The following GRHL3 variants were observed in gnomAD, a reference collection of about 807,000 sequenced individuals.
GRHL3 encodes the protein grainyhead-like protein 3 homolog.
A neutral mutation model predicts 70.3 loss-of-function variants in GRHL3; 20 were observed. The ratio of observed to expected loss-of-function variants is 0.28; its 90% CI spans 0.20 to 0.41. The LOEUF is 0.41. Ranked by LOEUF, GRHL3 falls within the 10% of genes least tolerant of loss-of-function variation. The pLI is 1.00. For missense variants in GRHL3, 637 were observed against 762.3 expected, an observed-to-expected ratio of 0.84 and a Z score of 1.94; for synonymous variants, 299 against 299.9, an observed-to-expected ratio of 1.00 and a Z score of 0.03.
At chr1:24,344,386 G>A (rs1640162217) in intron 11 of GRHL3, among the ~76,000 whole-genome samples, 1 of 150,536 alleles carries the variant, frequency 6.6e-6, no homozygotes, top group African/African-American at 2.4e-5. Context: ...AGCTACTTGG[G>A]AAGCTGAGGC....
At chr1:24,326,635 A>G (rs1462467859) in intron 1 of GRHL3, among the ~76,000 whole-genome samples, 1 of 152,214 alleles carries the variant, frequency 6.6e-6, no homozygotes, top group Non-Finnish European at 1.5e-5. Context: ...GTTCTGGCAC[A>G]TAGTAGTTAC....
At chr1:24,357,121 T>C (rs1309962657), downstream of GRHL3, 1 of 144,912 alleles carries the variant, frequency 6.9e-6, no homozygotes, top group African/African-American at 2.5e-5. Flanking sequence ...ATTACTGATG[T>C]TTCCTTTTGC....
chr1:24,341,508 C>T (rs1431476068), intron 8 of GRHL3, among the ~76,000 whole-genome samples: 2 of 152,168 alleles, frequency 1.3e-5, no homozygotes, highest in Non-Finnish European at 2.9e-5. Context: ...AATTATAGCC[C>T]TGCTCAGAGC....
chr1:24,354,050 G>A (rs564864835), intron 15 of GRHL3, among the ~76,000 whole-genome samples: 5 of 152,074 alleles, frequency 3.3e-5, no homozygotes, highest in Admixed American at 6.5e-5. Flanking sequence ...GGAGCACTGC[G>A]TCTCCCCCAG....
intron 8 of GRHL3, among the ~76,000 whole-genome samples, chr1:24,341,408 G>A (rs1207756083): frequency 6.6e-6 from 1 of 152,246 alleles, no homozygotes; most frequent in Non-Finnish European, 1.5e-5. Context: ...GTGAGCGGCA[G>A]AGCCCAGCTT....
intron 1 of GRHL3, among the ~76,000 whole-genome samples, chr1:24,324,420 T>C (rs914920529): frequency 6.6e-6 from 1 of 152,196 alleles, no homozygotes; most frequent in Admixed American, 6.5e-5. Flanking sequence ...TCCCGATTCA[T>C]AGGCTGGAAA....
chr1:24,361,145 G>A, intron 15 of GRHL3: 2 of 1,115,620 alleles, frequency 1.8e-6, no homozygotes, highest in Non-Finnish European at 1.2e-6. Context: ...CTGTCTGGAA[G>A]AGGACTGGTC....
At chr1:24,363,714 C>G (rs947960367) in intron 15 of GRHL3, among the ~76,000 whole-genome samples, 1 of 152,182 alleles carries the variant, frequency 6.6e-6, no homozygotes, top group Non-Finnish European at 1.5e-5. Context: ...GAGAAAGAGA[C>G]AGAGACAGAG....
rs74062139 is a variant in GRHL3, at chr1:24,321,387, C to T, written c.17+1819C>T. Among the ~76,000 whole-genome samples the T allele has an allele frequency of 0.034, 5,106 of 152,292 alleles. 240 individuals carry two copies. The highest frequency in any genetic ancestry group is 0.1 in the African/African-American group (4,254 of 41,552). ...GAGCCTGGGGGCTCAGCTGCCCCTA[C>T]TGGTAAGGGGAGGGCACCCGGCGCT... On this transcript the variant is annotated intron_variant, in intron 1 of 15. Transcript: ENST00000361548. The surrounding 1 kb of genome is among the most constrained non-coding windows in gnomAD (Gnocchi z 4.0).
chr1:24,339,665 C>T lies in GRHL3; in HGVS notation c.953-3C>T. On this transcript the variant is annotated splice_polypyrimidine_tract_variant and splice_region_variant and intron_variant, in intron 7 of 15. Transcript: ENST00000361548. Reference sequence around the variant, plus strand: ...TTCTCCTTCTGGTCTCCTGTGGTTTCAGCTGACTGCAAAGAAAACTTCAAC... The same window carrying T: ...TTCTCCTTCTGGTCTCCTGTGGTTTTAGCTGACTGCAAAGAAAACTTCAAC... 1 of 1,607,982 alleles carries T rather than the reference C, an allele frequency of 6.2e-7. No homozygotes were observed. The highest frequency in any genetic ancestry group is 1.1e-5 in the South Asian group (1 of 90,546).
chr1:24,336,932 C>CA, intron 4 of GRHL3, 105 bp downstream of exon 4: 1 of 1,227,486 alleles, frequency 8.1e-7, no homozygotes, highest in Non-Finnish European at 1.2e-6. Flanking sequence ...TGGGGGAAAG[C>CA]ATCCTAGAGC....
chr1:24,329,472 G>A (rs1299023680), intron 1 of GRHL3, among the ~76,000 whole-genome samples: 12 of 152,216 alleles, frequency 7.9e-5, no homozygotes, highest in Admixed American at 5.9e-4. Flanking sequence ...CTGCATCAAC[G>A]GAAAAGCAGT....
At chr1:24,333,048 G>A (rs576193992) in intron 2 of GRHL3, among the ~76,000 whole-genome samples, 8 of 152,324 alleles carry the variant, frequency 5.3e-5, no homozygotes, top group Non-Finnish European at 7.3e-5. Context: ...GTTGAGGATC[G>A]ACCATCAGAT....
rs903997728 is a variant in GRHL3, at chr1:24,319,357, A to G, written c.-195A>G. 7.6e-6 allele frequency: 5 copies of G among 653,656 alleles called. No homozygotes were observed. Among genetic ancestry groups the G allele is most frequent in the Non-Finnish European group, 1.4e-5 (5 of 360,200 alleles). 40.5% of individuals were successfully genotyped at this position (653,656 alleles called of 1,614,324 possible). ...GCTGCACCTGTTGAGGTATACCTCC[A>G]GTCGCCGGCACCTGTACCTGTAGCC... On this transcript the variant is annotated 5_prime_UTR_variant, in exon 1 of 16. Transcript: ENST00000361548.
chr1:24,347,363 C>T (rs976603923), intron 13 of GRHL3, 105 bp from the exon 14 acceptor site: 34 of 998,660 alleles, frequency 3.4e-5, no homozygotes, highest in Middle Eastern at 2.1e-4. Context: ...GGCAAAGACC[C>T]GCAGCAGAAG....
chr1:24,354,613 C>A lies in GRHL3; in HGVS notation c.*125C>A. On this transcript the variant is annotated 3_prime_UTR_variant, in exon 16 of 16. Coordinates refer to ENST00000361548, the MANE Select transcript of GRHL3 (RefSeq NM_198173.3). ...TGAATGCCTTCCCTGAGGGAAGAGGCCCTTGAGTCACAGACCCACAGACGT... is the reference window on the plus strand; with the variant it reads ...TGAATGCCTTCCCTGAGGGAAGAGGACCTTGAGTCACAGACCCACAGACGT... The A allele has an allele frequency of 6.1e-6, 4 of 651,628 alleles. No individual in the cohort carries two copies. In the South Asian group the frequency reaches 7.1e-5, roughly 12 times the overall value. 40.4% of individuals were successfully genotyped at this position (651,628 alleles called of 1,614,324 possible).
chr1:24,362,858 G>T (rs560505912), intron 15 of GRHL3, among the ~76,000 whole-genome samples: 100 of 152,300 alleles, frequency 6.6e-4, no homozygotes, highest in African/African-American at 2.4e-3. Context: ...AGGGAAAGGG[G>T]GGACATGCTG....
chr1:24,363,413 G>T (rs916461572), intron 15 of GRHL3, among the ~76,000 whole-genome samples: 1 of 152,168 alleles, frequency 6.6e-6, no homozygotes, highest in Non-Finnish European at 1.5e-5. Flanking sequence ...GTCCTTAAGG[G>T]CTTGACAATC....
At chr1:24,356,990 C>G (rs1316382874), downstream of GRHL3, 2 of 151,594 alleles carry the variant, frequency 1.3e-5, no homozygotes, top group Non-Finnish European at 2.9e-5. Flanking sequence ...TTAAGGGGTA[C>G]CCAAAAGCTC....
Sources: gnomAD v4.1 joint callset for allele counts (sites outside exome capture counted in the v4.1 genomes callset) on GRCh38, gnomAD v4.1.1 for gene constraint, Gnocchi (gnomAD v3.1) non-coding constraint, MANE v1.5 for transcripts, NCBI Gene and HGNC (gene_info 2026-07-23, HGNC 2026-07-21) for gene names.